DNMT1: variants seen among roughly 807,000 people sequenced by gnomAD.
DNMT1 encodes DNA methyltransferase 1, also known as DNA (cytosine-5)-methyltransferase 1.
Under a neutral mutation model 205.3 loss-of-function variants are expected in DNMT1, and 24 were observed. The ratio of observed to expected loss-of-function variants is 0.12; its 90% CI spans 0.08 to 0.16. The LOEUF is 0.16. Ranked by LOEUF, DNMT1 falls within the 10% of genes least tolerant of loss-of-function variation. DNMT1 has a pLI of 1.00. For synonymous variants in DNMT1, 817 were observed against 839.8 expected (o/e 0.97, Z 0.47); for missense variants, 1,293 against 2,177.7 (o/e 0.59, Z 8.09).
intron 28 of DNMT1, chr19:10,144,244 C>T (rs992657184): frequency 6.2e-5 from 28 of 448,566 alleles, no homozygotes; most frequent in African/African-American, 5.4e-4. Context: ...CCTGTCTCTA[C>T]TAAAAATACA....
chr19:10,138,311 G>A lies in DNMT1; in HGVS notation c.4115+128C>T, dbSNP rs1232002161. The A allele has an allele frequency of 5.6e-6, 8 of 1,431,864 alleles. No individual in the cohort carries two copies. The highest frequency in any genetic ancestry group is 7.7e-6 in the Non-Finnish European group (8 of 1,040,334). The allele number at this position is 1,431,864 out of a possible 1,614,324, so 88.7% of individuals were successfully genotyped here. A position where few individuals can be genotyped will look rare whatever the true frequency, so the allele number is the denominator to read the frequency against. The stretch of plus-strand genomic sequence containing the variant: ...AGGTGGCAGAGTGCCATGTGGCAGA[G>A]CACCGTGTGGCAGGGCAGATGCTGT... On this transcript the variant is annotated intron_variant, in intron 35 of 40. Transcript: ENST00000359526. The surrounding 1 kb of genome is among the most constrained non-coding windows in gnomAD (Gnocchi z 4.1).
At chr19:10,172,547 C>T (rs1056200699) in intron 9 of DNMT1, among the ~76,000 whole-genome samples, 8 of 150,104 alleles carry the variant, frequency 5.3e-5, no homozygotes, top group African/African-American at 2.0e-4. Flanking sequence ...ATAGGTTGGC[C>T]GGTGTGGTGG....
At chr19:10,160,955 A>G (rs577712548) in intron 13 of DNMT1, among the ~76,000 whole-genome samples, 41 of 152,150 alleles carry the variant, frequency 2.7e-4, no homozygotes, top group Non-Finnish European at 5.0e-4. Flanking sequence ...GGAAAAGCCA[A>G]TTTTTTAAAA....
At position 10,138,718 on chromosome 19, in the gene DNMT1, A is replaced by G; in HGVS notation, c.3949-113T>C. The G allele has an allele frequency of 7.3e-7, 1 of 1,367,032 alleles. No individual in the cohort carries two copies. Among genetic ancestry groups the G allele is most frequent in the Non-Finnish European group, 9.9e-7 (1 of 1,011,538 alleles). The allele number at this position is 1,367,032 out of a possible 1,614,324, so 84.7% of individuals were successfully genotyped here. A position where few individuals can be genotyped will look rare whatever the true frequency, so the allele number is the denominator to read the frequency against. ...AGTCGGGAGTGGCTGGCCAATGCGG[A>G]GTGCACTTGCAGAAATCCCCAGTTA... On this transcript the variant is annotated intron_variant, in intron 34 of 40. Coordinates refer to ENST00000359526, the MANE Select transcript of DNMT1 (RefSeq NM_001130823.3). This position sits in a 1 kb window ranked among gnomAD's most constrained non-coding sequence, Gnocchi z 4.1.
chr19:10,166,467 C>G, intron 11 of DNMT1, 131 bp downstream of exon 11: 2 of 1,098,248 alleles, frequency 1.8e-6, no homozygotes, highest in Non-Finnish European at 1.4e-6. Context: ...TTCCCAGAGT[C>G]TGGATGGCCC....
Position 10,151,969 on chromosome 19 carries a change from G to A in DNMT1, c.2020-122C>T. The A allele has an allele frequency of 2.2e-6, 2 of 891,734 alleles. No individual in the cohort carries two copies. The highest frequency in any genetic ancestry group is 1.9e-5 in the Admixed American group (1 of 53,360). The allele number at this position is 891,734 out of a possible 1,614,324, so 55.2% of individuals were successfully genotyped here. A position where few individuals can be genotyped will look rare whatever the true frequency, so the allele number is the denominator to read the frequency against. On this transcript the variant is annotated intron_variant, in intron 22 of 40. Coordinates refer to ENST00000359526, the MANE Select transcript of DNMT1 (RefSeq NM_001130823.3). The surrounding 1 kb of genome is among the most constrained non-coding windows in gnomAD (Gnocchi z 5.0). ...AAGGTCAGGAATTGCAGACCAGCCT[G>A]GCCAACGTGGTGAAACCCCATCTCT...
rs757918276 is a variant in DNMT1, at chr19:10,155,066, A to T, written c.1493-10T>A. The T allele has an allele frequency of 1.2e-6, 2 of 1,613,888 alleles. No individual in the cohort carries two copies. The highest frequency in any genetic ancestry group is 1.7e-5 in the Admixed American group (1 of 59,996). ...ATGTATTCGGCAAATGCTGGGGTGA[A>T]CAGAGGAGGTGTGGAAAAGGGGCTG... On this transcript the variant is annotated splice_polypyrimidine_tract_variant and intron_variant, in intron 19 of 40. Transcript: ENST00000359526.
chr19:10,188,526 C>G (rs920771154), intron 1 of DNMT1, among the ~76,000 whole-genome samples: 1 of 152,132 alleles, frequency 6.6e-6, no homozygotes, highest in African/African-American at 2.4e-5. Context: ...GGTGACAGAG[C>G]GAGACTCCAT....
In DNMT1 at chr19:10,154,225, G is replaced by A. The variant is rs1263486249; in HGVS notation, c.2019+68C>T. On this transcript the variant is annotated intron_variant, in intron 22 of 40. Transcript: ENST00000359526. This position sits in a 1 kb window ranked among gnomAD's most constrained non-coding sequence, Gnocchi z 6.3. ...CTCAAGCCACAGAGAGAAAGATGGA[G>A]CAGTCCTCAGATCAGGCCAGAGGCT... is the stretch of plus-strand genomic sequence containing the variant. 1 of 1,479,394 alleles carries A rather than the reference G, an allele frequency of 6.8e-7. No individual in the cohort carries two copies. The highest frequency in any genetic ancestry group is 9.4e-7 in the Non-Finnish European group (1 of 1,058,752). The allele number at this position is 1,479,394 out of a possible 1,614,324, so 91.6% of individuals were successfully genotyped here. A position where few individuals can be genotyped will look rare whatever the true frequency, so the allele number is the denominator to read the frequency against.
intron 29 of DNMT1, among the ~76,000 whole-genome samples, chr19:10,143,295 G>C (rs959854089): frequency 6.6e-5 from 10 of 152,034 alleles, no homozygotes. Context: ...GCTCACTACA[G>C]CCTCAAATTC....
At chr19:10,177,024 T>C (rs1452383078) in intron 6 of DNMT1, among the ~76,000 whole-genome samples, 2 of 152,160 alleles carry the variant, frequency 1.3e-5, no homozygotes. Flanking sequence ...AAACAACGGC[T>C]GTAACTTGAT....
intron 27 of DNMT1, among the ~76,000 whole-genome samples, chr19:10,148,518 A>G (rs1476328847): frequency 1.3e-5 from 2 of 151,980 alleles, no homozygotes; most frequent in Non-Finnish European, 2.9e-5. Flanking sequence ...AGAAAAAAAA[A>G]AAGGAAAGAA....
At chr19:10,168,424 A>G in intron 9 of DNMT1, 60 bp from the exon 10 acceptor site, 1 of 1,560,680 alleles carries the variant, frequency 6.4e-7, no homozygotes, top group South Asian at 1.1e-5. Flanking sequence ...TCTTTCTATT[A>G]AAGTGTCCTA....
intron 28 of DNMT1, among the ~76,000 whole-genome samples, chr19:10,145,037 T>G (rs931716696): frequency 2.0e-5 from 3 of 152,200 alleles, no homozygotes; most frequent in African/African-American, 7.2e-5. Context: ...TTTGGGGTTG[T>G]TGCTATGATA....
chr19:10,138,311 G>C lies in DNMT1; in HGVS notation c.4115+128C>G, dbSNP rs1232002161. On this transcript the variant is annotated intron_variant, in intron 35 of 40. Transcript: ENST00000359526. This position sits in a 1 kb window ranked among gnomAD's most constrained non-coding sequence, Gnocchi z 4.1. ...AGGTGGCAGAGTGCCATGTGGCAGAGCACCGTGTGGCAGGGCAGATGCTGT... is the reference window on the plus strand; with the variant it reads ...AGGTGGCAGAGTGCCATGTGGCAGACCACCGTGTGGCAGGGCAGATGCTGT... 2.8e-6 allele frequency: 4 copies of C among 1,431,984 alleles called. No individual in the cohort carries two copies. The highest frequency in any genetic ancestry group is 3.8e-6 in the Non-Finnish European group (4 of 1,040,328). The allele number at this position is 1,431,984 out of a possible 1,614,324, so 88.7% of individuals were successfully genotyped here.
chr19:10,160,604 T>A (rs1179285568), intron 13 of DNMT1, among the ~76,000 whole-genome samples, 186 bp from the exon 14 acceptor site: 1 of 152,136 alleles, frequency 6.6e-6, no homozygotes, highest in African/African-American at 2.4e-5. Flanking sequence ...ATACAAAATC[T>A]TATAGTCAGG....
chr19:10,142,163 G>C lies in DNMT1; in HGVS notation c.3174C>G (p.Leu1058=). 3 of 1,614,050 alleles carry C rather than the reference G, an allele frequency of 1.9e-6. No homozygotes were observed. The highest frequency in any genetic ancestry group is 2.5e-6 in the Non-Finnish European group (3 of 1,180,038). Residue 1058 remains leucine, a synonymous_variant, in exon 30 of 41, where the codon CTC becomes CTG. Transcript: ENST00000359526. ...PASYHADINL[L]YWSDEEAVVD... Reference sequence around the variant, plus strand: ...CCACGGCCTCCTCGTCGCTCCAGTAGAGCAGGTTGATGTCTGCGTGGTAGC... The same window carrying C: ...CCACGGCCTCCTCGTCGCTCCAGTACAGCAGGTTGATGTCTGCGTGGTAGC...
intron 24 of DNMT1, among the ~76,000 whole-genome samples, chr19:10,150,722 C>T (rs768720449): frequency 6.6e-6 from 1 of 152,198 alleles, no homozygotes; most frequent in Admixed American, 6.5e-5. Context: ...GACCACAGAA[C>T]GGATGGGAGG....
chr19:10,170,764 T>C (rs2038799443), intron 9 of DNMT1, among the ~76,000 whole-genome samples: 1 of 152,116 alleles, frequency 6.6e-6, no homozygotes, highest in African/African-American at 2.4e-5. Flanking sequence ...CTTCTAGTCA[T>C]CTTGGTTTTT....
Sources: allele counts gnomAD v4.1 joint callset (sites outside exome capture counted in the v4.1 genomes callset), GRCh38; gene constraint gnomAD v4.1.1; non-coding constraint Gnocchi (gnomAD v3.1); transcripts MANE v1.5; gene names NCBI Gene and HGNC (gene_info 2026-07-23, HGNC 2026-07-21).